Variants in TTC19 observed in about 807,000 individuals in gnomAD.
TTC19 encodes the protein tetratricopeptide repeat protein 19, mitochondrial.
A neutral mutation model predicts 49.5 loss-of-function variants in TTC19; 38 were observed. The ratio of observed to expected loss-of-function variants is 0.77; its 90% CI spans 0.59 to 1.01. The LOEUF (loss-of-function observed/expected upper bound fraction) is 1.01, where lower values mean the gene tolerates loss of function less well. Among genes scored for constraint, TTC19 ranks in the 50% least tolerant of loss-of-function variants. The pLI is 0.00. For synonymous variants in TTC19, 204 were observed against 185.2 expected (o/e 1.10, Z -0.83); for missense variants, 475 against 477.7 (o/e 0.99, Z 0.05).
chr17:16,001,942 G>A lies in TTC19; in HGVS notation c.340G>A (p.Glu114Lys), dbSNP rs755110314. 3.7e-6 allele frequency: 6 copies of A among 1,613,186 alleles called. No homozygotes were observed. The highest frequency in any genetic ancestry group is 4.2e-6 in the Non-Finnish European group (5 of 1,179,830). ...KLSIMKDEPE[E>K]AELILHDALR... ...GAGCATTATGAAAGATGAGCCAGAAGAGGCTGAGTTAATTTTGCATGACGC... is the reference window on the plus strand; with the variant it reads ...GAGCATTATGAAAGATGAGCCAGAAAAGGCTGAGTTAATTTTGCATGACGC... The change falls in exon 3 of 10, where the codon GAG (glutamate) becomes AAG (lysine). Residue 114 changes from glutamate (E) to lysine (K), a missense_variant. By Grantham distance (56) the Glu-to-Lys change is moderately conservative. Coordinates refer to ENST00000261647, the MANE Select transcript of TTC19 (RefSeq NM_017775.4).
At chr17:16,016,819 G>A (rs893551484) in intron 7 of TTC19, among the ~76,000 whole-genome samples, 3 of 151,406 alleles carry the variant, frequency 2.0e-5, no homozygotes, top group Non-Finnish European at 4.4e-5. Flanking sequence ...CAGCCTCCCA[G>A]AGTGCTGGGA....
intron 2 of TTC19, chr17:16,000,471 G>A: frequency 1.5e-6 from 2 of 1,309,254 alleles, no homozygotes; most frequent in Admixed American, 6.2e-5. Context: ...AAGTGCAAAT[G>A]GAGATGGCGC....
chr17:16,008,559 C>T (rs1033540800), intron 7 of TTC19, among the ~76,000 whole-genome samples: 1 of 152,178 alleles, frequency 6.6e-6, no homozygotes, highest in African/African-American at 2.4e-5. Flanking sequence ...CTTTGTATCA[C>T]CTTTAGAATA....
chr17:16,020,947 CA>C (rs781307877), intron 7 of TTC19, among the ~76,000 whole-genome samples: 3 of 152,138 alleles, frequency 2.0e-5, no homozygotes, highest in Admixed American at 6.5e-5. Context: ...CTCAGCCTCC[CA>C]AAGTACAGGA....
At chr17:16,012,484 T>TG (rs980747711) in intron 7 of TTC19, among the ~76,000 whole-genome samples, 2 of 151,850 alleles carry the variant, frequency 1.3e-5, no homozygotes, top group Non-Finnish European at 2.9e-5. Context: ...GTCTTGGGGC[T>TG]GGGGGGTGGA....
intron 7 of TTC19, 58 bp downstream of exon 7, chr17:16,006,626 T>G (rs546307934): frequency 1.7e-6 from 2 of 1,166,548 alleles, no homozygotes; most frequent in Admixed American, 3.6e-5. Flanking sequence ...TACTTTACAC[T>G]TTTGAGAAAT....
chr17:16,029,635 T>C (rs1420124309), downstream of TTC19: 1 of 172,730 alleles, frequency 5.8e-6, no homozygotes, highest in Non-Finnish European at 1.2e-5. Context: ...ACAAAGAATA[T>C]CATGTTTTGG....
chr17:16,032,234 AAATT>A (rs1237928832), downstream of TTC19: 1 of 1,471,862 alleles, frequency 6.8e-7, no homozygotes, highest in Non-Finnish European at 9.0e-7. Flanking sequence ...CTGCTACTAA[AAATT>A]AAACCACAAA....
intron 2 of TTC19, among the ~76,000 whole-genome samples, chr17:16,038,797 A>T (rs958351968): frequency 6.6e-6 from 1 of 151,580 alleles, no homozygotes; most frequent in Non-Finnish European, 1.5e-5. Flanking sequence ...TTTGAGACGG[A>T]GTCTCACTCT....
At chr17:16,029,556 T>TA (rs1444980982), downstream of TTC19, 1 of 209,670 alleles carries the variant, frequency 4.8e-6, no homozygotes, top group Non-Finnish European at 9.8e-6. Context: ...AGGAAGACCT[T>TA]AATTTAGTTC....
Position 15,999,982 on chromosome 17 carries a change from C to T in TTC19, c.134C>T (p.Ser45Phe), listed in dbSNP as rs11554354. ...GGGCCCGAGGTGCAGGTGCCGCCAT[C>T]CCGAGTCGCGCCGCACGGCCGGGGC... ...GPGPEVQVPP[S>F]RVAPHGRGPG... Residue 45 changes from serine to phenylalanine, a missense_variant, in exon 1 of 10, where the codon TCC (serine) becomes TTC (phenylalanine). By Grantham distance (155) the Ser-to-Phe change is radical (BLOSUM62 -2). Coordinates refer to ENST00000261647, the MANE Select transcript of TTC19 (RefSeq NM_017775.4). The T allele has an allele frequency of 1.0e-5, 13 of 1,281,068 alleles. No individual in the cohort carries two copies. Among genetic ancestry groups the T allele is most frequent in the African/African-American group, 4.7e-5 (3 of 64,010 alleles). The allele number at this position is 1,281,068 out of a possible 1,614,324, so 79.4% of individuals were successfully genotyped here. A position where few individuals can be genotyped will look rare whatever the true frequency, so the allele number is the denominator to read the frequency against.
chr17:16,027,252 A>G, intron 9 of TTC19, 122 bp from the exon 10 acceptor site: 11 of 1,151,116 alleles, frequency 9.6e-6, no homozygotes, highest in Non-Finnish European at 1.4e-5. Context: ...AGGCAGCACC[A>G]GCTTGTCGCT....
At chr17:16,006,383 C>A (rs1248689749) in intron 6 of TTC19, 91 bp from the exon 7 acceptor site, 12 of 957,230 alleles carry the variant, frequency 1.3e-5, no homozygotes, top group Non-Finnish European at 2.0e-5. Flanking sequence ...GCACTCCAGC[C>A]TGGGCAACAA....
At chr17:16,021,120 G>A (rs1971367591) in intron 7 of TTC19, among the ~76,000 whole-genome samples, 1 of 152,320 alleles carries the variant, frequency 6.6e-6, no homozygotes, top group African/African-American at 2.4e-5. Flanking sequence ...GGGCGCAGTG[G>A]CTCACGCCTG....
chr17:16,025,088 TC>T lies in TTC19; in HGVS notation c.750del (p.Lys251SerfsTer31). 1.2e-6 allele frequency: 2 copies of T among 1,613,950 alleles called. No individual in the cohort carries two copies. Among genetic ancestry groups the T allele is most frequent in the Non-Finnish European group, 1.7e-6 (2 of 1,179,866 alleles). On this transcript the variant is annotated frameshift_variant, in exon 8 of 10. Coordinates refer to ENST00000261647, the MANE Select transcript of TTC19 (RefSeq NM_017775.4). LOFTEE classifies it high-confidence loss of function. ...CGCCTGTGCTCGCTACCTTCTGTTC[TC>T]CAAGCAGCCGTCACAGGCACAAAGG... ...LDACARYLLFSKQPSQAQRMY... is the reference protein window; with the variant it reads ...LDACARYLLFXKQPSQAQRMY...
chr17:16,026,702 G>A lies in TTC19; in HGVS notation c.994G>A (p.Glu332Lys), dbSNP rs1326517853. 1 of 1,614,024 alleles carries A rather than the reference G, an allele frequency of 6.2e-7. No individual in the cohort carries two copies. Among genetic ancestry groups the A allele is most frequent in the Admixed American group, 1.7e-5 (1 of 60,028 alleles). Residue 332 changes from glutamate to lysine, a missense_variant and splice_region_variant, in exon 9 of 10, where the codon GAA becomes AAA. Coordinates refer to ENST00000261647, the MANE Select transcript of TTC19 (RefSeq NM_017775.4). ...SNLAAVLMHR[E>K]RYTQAKEIYQ... The stretch of plus-strand genomic sequence containing the variant: ...TCTAGCTGCAGTTTTGATGCACAGA[G>A]GTAGGTAGCAATGTAAACTTAACTG...
chr17:16,025,250 G>A (rs1971514183), intron 8 of TTC19, 79 bp downstream of exon 8: 1 of 1,473,216 alleles, frequency 6.8e-7, no homozygotes, highest in Admixed American at 1.9e-5. Flanking sequence ...ACACTCATTG[G>A]TAACAGGATC....
intron 7 of TTC19, among the ~76,000 whole-genome samples, chr17:16,020,193 G>A (rs1034113178): frequency 2.6e-5 from 4 of 152,172 alleles, no homozygotes; most frequent in Admixed American, 6.5e-5. Flanking sequence ...TGTTCATGAT[G>A]TTCTCTGTAT....
At chr17:16,042,945 GAGT>G (rs1276480874) in intron 2 of TTC19, among the ~76,000 whole-genome samples, 3 of 152,190 alleles carry the variant, frequency 2.0e-5, no homozygotes, top group Non-Finnish European at 4.4e-5. Flanking sequence ...CAACTCCCCA[GAGT>G]AGATGAGATG....
Sources: gnomAD v4.1 joint callset for allele counts (sites outside exome capture counted in the v4.1 genomes callset) on GRCh38, gnomAD v4.1.1 for gene constraint, MANE v1.5 for transcripts, NCBI Gene and HGNC (gene_info 2026-07-23, HGNC 2026-07-21) for gene names.